ATP6V0A4: variants seen among roughly 807,000 people sequenced by gnomAD.
The protein encoded by ATP6V0A4 is ATPase H+ transporting V0 subunit a4.
Under a neutral mutation model 107.3 loss-of-function variants are expected in ATP6V0A4, and 86 were observed. The observed-to-expected ratio is 0.80, with a 90% CI of 0.67 to 0.96. The LOEUF is 0.96. ATP6V0A4 is among the 40% of genes least tolerant of loss of function. The pLI is 0.00. For missense variants in ATP6V0A4, 908 were observed against 1,045.6 expected, an observed-to-expected ratio of 0.87 and a Z score of 1.81; for synonymous variants, 353 against 381.4, an observed-to-expected ratio of 0.93 and a Z score of 0.87.
intron 1 of ATP6V0A4, among the ~76,000 whole-genome samples, chr7:138,790,972 G>T (rs1808383215): frequency 6.6e-6 from 1 of 151,810 alleles, no homozygotes; most frequent in Non-Finnish European, 1.5e-5. Flanking sequence ...AAAATAACCA[G>T]GTATGCAAAG....
chr7:138,777,622 A>G (rs1191216357), intron 2 of ATP6V0A4, among the ~76,000 whole-genome samples: 1 of 144,624 alleles, frequency 6.9e-6, no homozygotes, highest in African/African-American at 2.8e-5. Context: ...TCTCAAAAAA[A>G]AAAAAAAAAA....
At chr7:138,735,012 G>A (rs1303670785) in intron 15 of ATP6V0A4, among the ~76,000 whole-genome samples, 1 of 152,122 alleles carries the variant, frequency 6.6e-6, no homozygotes, top group Admixed American at 6.5e-5. Flanking sequence ...CAAGCACGAT[G>A]CGTAAGACAC....
At chr7:138,766,309 TCTC>T (rs1200186296) in intron 5 of ATP6V0A4, among the ~76,000 whole-genome samples, 2 of 151,250 alleles carry the variant, frequency 1.3e-5, no homozygotes, top group African/African-American at 4.9e-5. Context: ...GTCAAACAAT[TCTC>T]CTGCCTCAGC....
At chr7:138,751,642 GC>G (rs1806230566) in intron 11 of ATP6V0A4, among the ~76,000 whole-genome samples, 2 of 151,856 alleles carry the variant, frequency 1.3e-5, no homozygotes, top group African/African-American at 4.8e-5. Flanking sequence ...CAGTGTGTAA[GC>G]CCTAGATCCG....
chr7:138,741,945 C>T (rs1443010540), intron 14 of ATP6V0A4, among the ~76,000 whole-genome samples: 1 of 152,082 alleles, frequency 6.6e-6, no homozygotes, highest in Non-Finnish European at 1.5e-5. Flanking sequence ...AGCATTGCTC[C>T]AATTCAAGAC....
chr7:138,782,808 C>T (rs180746369), intron 2 of ATP6V0A4, among the ~76,000 whole-genome samples: 13 of 152,284 alleles, frequency 8.5e-5, no homozygotes, highest in Admixed American at 2.0e-4. Flanking sequence ...GGCATGGTGG[C>T]TCACACCTGT....
At chr7:138,777,587 C>T (rs1807717649) in intron 2 of ATP6V0A4, among the ~76,000 whole-genome samples, 1 of 144,192 alleles carries the variant, frequency 6.9e-6, no homozygotes, top group Non-Finnish European at 1.5e-5. Context: ...TGCACCCCAG[C>T]CTGGGCAAAG....
At position 138,768,967 on chromosome 7, in the gene ATP6V0A4, G is replaced by C. The variant is rs1807229642; in HGVS notation, c.197-93C>G. The stretch of plus-strand genomic sequence containing the variant: ...AAGCAAGACATGTGCCTTTCACTCA[G>C]CTCAGCTACCTGAATTGTCCTAGGA... On this transcript the variant is annotated intron_variant, in intron 4 of 21. Coordinates refer to ENST00000310018, the MANE Select transcript of ATP6V0A4 (RefSeq NM_020632.3). 7 of 1,583,430 alleles carry C rather than the reference G, an allele frequency of 4.4e-6. No individual in the cohort carries two copies. In the Admixed American group the frequency reaches 1.3e-4, roughly 29 times the overall value.
intron 3 of ATP6V0A4, 129 bp downstream of exon 3, chr7:138,771,002 T>G: frequency 1.0e-6 from 1 of 1,003,734 alleles, no homozygotes; most frequent in Non-Finnish European, 1.6e-6. Context: ...AACTACAGAA[T>G]TTCATCGATT....
At chr7:138,714,020 T>C (rs1272573242) in intron 20 of ATP6V0A4, among the ~76,000 whole-genome samples, 1 of 150,456 alleles carries the variant, frequency 6.6e-6, no homozygotes, top group African/African-American at 2.4e-5. Flanking sequence ...GGAGAACTGC[T>C]TGAGCCCAAG....
At chr7:138,727,112 C>CAAA (rs138365622) in intron 18 of ATP6V0A4, among the ~76,000 whole-genome samples, 6 of 103,076 alleles carry the variant, frequency 5.8e-5, no homozygotes, top group Admixed American at 2.2e-4. Flanking sequence ...GAGCTCATCT[C>CAAA]AAAAAAAAAA....
At chr7:138,778,148 C>T (rs1399686089) in intron 2 of ATP6V0A4, among the ~76,000 whole-genome samples, 5 of 152,084 alleles carry the variant, frequency 3.3e-5, no homozygotes, top group African/African-American at 9.7e-5. Context: ...CCAAGGCAGG[C>T]AGATTACTTG....
chr7:138,767,321 G>A (rs1036848401), intron 5 of ATP6V0A4, among the ~76,000 whole-genome samples: 2 of 152,148 alleles, frequency 1.3e-5, no homozygotes, highest in African/African-American at 2.4e-5. Flanking sequence ...TCAGGAGTTC[G>A]AGACCAGCCT....
At chr7:138,708,980 G>A (rs537509236) in intron 21 of ATP6V0A4, among the ~76,000 whole-genome samples, 31 of 151,930 alleles carry the variant, frequency 2.0e-4, no homozygotes, top group East Asian at 3.9e-4. Context: ...AGGCTGAGGC[G>A]GGTGAATCAC....
intron 14 of ATP6V0A4, among the ~76,000 whole-genome samples, chr7:138,744,908 G>A (rs947309182): frequency 1.3e-5 from 2 of 152,038 alleles, no homozygotes; most frequent in Non-Finnish European, 1.5e-5. Flanking sequence ...TCACCATGTC[G>A]GCCAGGCTGG....
At chr7:138,729,865 C>T (rs781094253) in intron 17 of ATP6V0A4, among the ~76,000 whole-genome samples, 1 of 152,160 alleles carries the variant, frequency 6.6e-6, no homozygotes, top group Non-Finnish European at 1.5e-5. Flanking sequence ...AACACTTTAT[C>T]GGTTCCATCT....
At chr7:138,739,218 G>A (rs1324960721) in intron 15 of ATP6V0A4, among the ~76,000 whole-genome samples, 5 of 152,250 alleles carry the variant, frequency 3.3e-5, no homozygotes, top group East Asian at 3.9e-4. Context: ...TGATTAGGAC[G>A]CTAAATAGCT....
intron 10 of ATP6V0A4, among the ~76,000 whole-genome samples, chr7:138,753,132 C>G (rs111645546): frequency 2.4e-4 from 36 of 152,118 alleles, no homozygotes; most frequent in Non-Finnish European, 4.9e-4. Flanking sequence ...GTGAATATGG[C>G]CTTTTTGGAA....
chr7:138,756,560 T>C lies in ATP6V0A4; in HGVS notation c.640-20A>G. The C allele has an allele frequency of 6.7e-7, 1 of 1,483,906 alleles. No homozygotes were observed. The highest frequency in any genetic ancestry group is 1.1e-5 in the South Asian group (1 of 87,710). The allele number at this position is 1,483,906 out of a possible 1,614,324, so 91.9% of individuals were successfully genotyped here. ...TTCTTTCTGGAAAATCAGAATAAGT[T>C]AAAAAAAAAGGGGGGGGTTTCTTTC... is the stretch of plus-strand genomic sequence containing the variant. On this transcript the variant is annotated intron_variant, in intron 8 of 21. Coordinates refer to ENST00000310018, the MANE Select transcript of ATP6V0A4 (RefSeq NM_020632.3).
Sources: allele counts gnomAD v4.1 joint callset (sites outside exome capture counted in the v4.1 genomes callset), GRCh38; gene constraint gnomAD v4.1.1; transcripts MANE v1.5; gene names NCBI Gene and HGNC (gene_info 2026-07-23, HGNC 2026-07-21).